SLC7A14: variants seen among roughly 807,000 people sequenced by gnomAD.
SLC7A14 encodes the protein solute carrier family 7 member 14.
Under a neutral mutation model 60.2 loss-of-function variants are expected in SLC7A14, and 37 were observed. That is an observed-to-expected ratio of 0.61 (90% CI 0.47 to 0.81). The LOEUF (loss-of-function observed/expected upper bound fraction) is 0.81, where lower values mean the gene tolerates loss of function less well. Among genes scored for constraint, SLC7A14 ranks in the 30% least tolerant of loss-of-function variants. The probability of loss-of-function intolerance (pLI) is 0.00; values close to 1 mark genes in which losing one functional copy is unlikely to be tolerated. For synonymous variants in SLC7A14, 399 were observed against 395.8 expected, an observed-to-expected ratio of 1.01 and a Z score of -0.10; for missense variants, 886 against 982.7, an observed-to-expected ratio of 0.90 and a Z score of 1.32.
At chr3:170,467,830 C>A (rs528477222) in intron 7 of SLC7A14, among the ~76,000 whole-genome samples, 3 of 152,282 alleles carry the variant, frequency 2.0e-5, no homozygotes, top group African/African-American at 7.2e-5. Flanking sequence ...ACAGTTTATT[C>A]CCAACGTTCT....
intron 7 of SLC7A14, among the ~76,000 whole-genome samples, chr3:170,469,061 C>T (rs1486654609): frequency 2.6e-5 from 4 of 152,180 alleles, no homozygotes; most frequent in African/African-American, 9.7e-5. Context: ...TGTTCCACTG[C>T]CCACTCAGCC....
At position 170,466,685 on chromosome 3, in the gene SLC7A14, A is replaced by G. The variant is rs1739728733; in HGVS notation, c.*370T>C. ...ATGCCAAGAACAGAGCTTTGTCCCC[A>G]TGTCTCAGGTGACTGAAATTCTGCC... On this transcript the variant is annotated 3_prime_UTR_variant, in exon 8 of 8. Transcript: ENST00000231706. 1 of 177,978 alleles carries G rather than the reference A, an allele frequency of 5.6e-6. No individual in the cohort carries two copies. The highest frequency in any genetic ancestry group is 2.4e-5 in the African/African-American group (1 of 42,238). The allele number at this position is 177,978 out of a possible 1,614,324, so 11.0% of individuals were successfully genotyped here.
chr3:170,490,218 A>C (rs768811416), intron 4 of SLC7A14, among the ~76,000 whole-genome samples: 2 of 152,182 alleles, frequency 1.3e-5, no homozygotes, highest in African/African-American at 4.8e-5. Context: ...AAATATATAC[A>C]CGTACTAAGT....
chr3:170,508,242 A>G (rs530681365), intron 2 of SLC7A14, among the ~76,000 whole-genome samples: 5 of 152,288 alleles, frequency 3.3e-5, no homozygotes, highest in African/African-American at 9.6e-5. Flanking sequence ...AACCAGAAAG[A>G]CTGTCCAAAA....
rs182855093 is a variant in SLC7A14 at position 170,532,615 on chromosome 3, A to G, written c.-152-5527T>C. Among the ~76,000 whole-genome samples, 495 of 151,954 alleles carry G rather than the reference A, an allele frequency of 3.3e-3. No individual in the cohort carries two copies. The highest frequency in any genetic ancestry group is 5.2e-3 in the Non-Finnish European group (356 of 68,000). On this transcript the variant is annotated intron_variant, in intron 1 of 7. Transcript: ENST00000231706. This position sits in a 1 kb window ranked among gnomAD's most constrained non-coding sequence, Gnocchi z 4.0. ...GCTTTTAGTACCGCGCCTGGCGTAT[A>G]GTGCATGCTGTGGGAGCGTTAGCTA...
chr3:170,469,324 C>T (rs1304731146), intron 7 of SLC7A14, among the ~76,000 whole-genome samples: 3 of 152,094 alleles, frequency 2.0e-5, no homozygotes, highest in African/African-American at 7.2e-5. Flanking sequence ...GACTTTGTCC[C>T]CCCTCCCTCC....
At position 170,465,567 on chromosome 3, in the gene SLC7A14, G is replaced by A. The variant is rs545344706; in HGVS notation, c.*1488C>T. On this transcript the variant is annotated 3_prime_UTR_variant, in exon 8 of 8. Transcript: ENST00000231706. ...TGCTAGCGAATATGTTCTGGAAAACGTTTGGCATACTGATACATCCAGGAG... is the reference window on the plus strand; with the variant it reads ...TGCTAGCGAATATGTTCTGGAAAACATTTGGCATACTGATACATCCAGGAG... The A allele has an allele frequency of 6.6e-6, 1 of 152,220 alleles. No homozygotes were observed. Among genetic ancestry groups the A allele is most frequent in the Non-Finnish European group, 1.5e-5 (1 of 68,044 alleles). 9.4% of individuals were successfully genotyped at this position (152,220 alleles called of 1,614,324 possible).
intron 2 of SLC7A14, among the ~76,000 whole-genome samples, chr3:170,511,589 C>G (rs770867663): frequency 6.6e-6 from 1 of 151,966 alleles, no homozygotes; most frequent in Non-Finnish European, 1.5e-5. Context: ...TCAGTGGGAG[C>G]TTAGGGCCAT....
chr3:170,530,999 T>C (rs1454440459), intron 1 of SLC7A14, among the ~76,000 whole-genome samples: 5 of 152,188 alleles, frequency 3.3e-5, no homozygotes, highest in Admixed American at 2.6e-4. Flanking sequence ...TCCATCTTGG[T>C]TGCACGTTGG....
chr3:170,565,700 G>A (rs980678551), intron 1 of SLC7A14, among the ~76,000 whole-genome samples: 3 of 152,152 alleles, frequency 2.0e-5, no homozygotes, highest in Non-Finnish European at 4.4e-5. Context: ...ACCAGCAGAA[G>A]AGTGTGGGAA....
intron 2 of SLC7A14, among the ~76,000 whole-genome samples, chr3:170,519,502 C>G (rs965489389): frequency 6.6e-6 from 1 of 152,176 alleles, no homozygotes; most frequent in African/African-American, 2.4e-5. Flanking sequence ...AGGGGCCAGG[C>G]GCAGTGGCTC....
chr3:170,473,742 G>C (rs933342451), intron 7 of SLC7A14, among the ~76,000 whole-genome samples: 1 of 152,062 alleles, frequency 6.6e-6, no homozygotes, highest in South Asian at 2.1e-4. Context: ...TAACAACAAG[G>C]CTTGTTTAAT....
chr3:170,483,265 T>C (rs778623106), intron 6 of SLC7A14, 49 bp downstream of exon 6: 12 of 1,602,428 alleles, frequency 7.5e-6, no homozygotes, highest in Non-Finnish European at 4.3e-6. Context: ...ACATTCTCCC[T>C]GGACAGACGT....
chr3:170,503,914 G>A (rs773060930), intron 2 of SLC7A14, among the ~76,000 whole-genome samples: 7 of 152,340 alleles, frequency 4.6e-5, no homozygotes, highest in African/African-American at 1.2e-4. Flanking sequence ...GGTATAAGGA[G>A]CATTTGGAAT....
At chr3:170,509,604 G>A (rs529621455) in intron 2 of SLC7A14, among the ~76,000 whole-genome samples, 1 of 152,284 alleles carries the variant, frequency 6.6e-6, no homozygotes, top group East Asian at 1.9e-4. Context: ...GAGGTCAGGA[G>A]TTCGAGACCA....
In SLC7A14 at chr3:170,462,758, G is replaced by A. The variant is rs1368357491; in HGVS notation, c.*4297C>T. ...AAAAAAAAAGTAGCACTCAAGCTCA[G>A]TAAAACCTGGAGCTGAGATTTTACT... On this transcript the variant is annotated 3_prime_UTR_variant, in exon 8 of 8. Transcript: ENST00000231706. The A allele has an allele frequency of 6.6e-6, 1 of 151,860 alleles. No individual in the cohort carries two copies. The highest frequency in any genetic ancestry group is 1.5e-5 in the Non-Finnish European group (1 of 68,008). 9.4% of individuals were successfully genotyped at this position (151,860 alleles called of 1,614,324 possible).
chr3:170,560,987 T>C (rs927867711), intron 1 of SLC7A14, among the ~76,000 whole-genome samples: 1 of 152,172 alleles, frequency 6.6e-6, no homozygotes, highest in Non-Finnish European at 1.5e-5. Context: ...TGGTAACACA[T>C]AGCAGAAAAG....
At position 170,501,267 on chromosome 3, in the gene SLC7A14, C is replaced by T; in HGVS notation, c.383G>A (p.Gly128Glu). The change falls in exon 3 of 8, where the codon GGG becomes GAG. Residue 128 changes from glycine (G) to glutamate (E), a missense_variant. Transcript: ENST00000231706. ...GCCAATGAAAAATGCCACAAATTCCCCAACAGTGACATAGCTGTAGGTGTA... is the reference window on the plus strand; with the variant it reads ...GCCAATGAAAAATGCCACAAATTCCTCAACAGTGACATAGCTGTAGGTGTA... ...SAYTYSYVTV[G>E]EFVAFFIGWN... is the part of the protein sequence containing the mutation. The T allele has an allele frequency of 6.2e-7, 1 of 1,614,174 alleles. No homozygotes were observed. The highest frequency in any genetic ancestry group is 8.5e-7 in the Non-Finnish European group (1 of 1,180,034).
intron 1 of SLC7A14, among the ~76,000 whole-genome samples, chr3:170,530,302 C>T (rs189146431): frequency 6.1e-4 from 93 of 152,176 alleles, no homozygotes; most frequent in Admixed American, 1.6e-3. Flanking sequence ...GAGGATAGAG[C>T]GGGTGTTGCA....
Sources: allele counts gnomAD v4.1 joint callset (sites outside exome capture counted in the v4.1 genomes callset), GRCh38; gene constraint gnomAD v4.1.1; non-coding constraint Gnocchi (gnomAD v3.1); transcripts MANE v1.5; gene names NCBI Gene and HGNC (gene_info 2026-07-23, HGNC 2026-07-21).